The following TRPM7 variants were observed in gnomAD, a reference collection of about 807,000 sequenced individuals.
The protein encoded by TRPM7 is transient receptor potential cation channel subfamily M member 7.
TRPM7 carries 134 observed loss-of-function variants against 229.7 expected under a neutral mutation model. The observed-to-expected ratio is 0.58, with a 90% confidence interval of 0.51 to 0.67. TRPM7 has a LOEUF of 0.67. Ranked by LOEUF, TRPM7 falls within the 30% of genes least tolerant of loss-of-function variation. The pLI, the probability that TRPM7 is intolerant of heterozygous loss-of-function variation, is 0.00. For missense variants in TRPM7, 1,901 were observed against 2,210.0 expected (o/e 0.86, Z 2.80); for synonymous variants, 699 against 715.2 (o/e 0.98, Z 0.36).
In TRPM7 at chr15:50,580,923, A is replaced by C; in HGVS notation, c.4558-15T>G. The C allele has an allele frequency of 3.8e-6, 6 of 1,574,620 alleles. No individual in the cohort carries two copies. Among genetic ancestry groups the C allele is most frequent in the Non-Finnish European group, 5.1e-6 (6 of 1,168,580 alleles). On this transcript the variant is annotated splice_polypyrimidine_tract_variant and intron_variant, in intron 29 of 38. Coordinates refer to ENST00000646667, the MANE Select transcript of TRPM7 (RefSeq NM_017672.6). ...TGTAACCAATCCTTCAGTAAAAAAA[A>C]AACACACACACACAAAAACCTTAAA... is the stretch of plus-strand genomic sequence containing the variant.
chr15:50,608,127 G>T (rs989221360), intron 19 of TRPM7, among the ~76,000 whole-genome samples: 1 of 151,852 alleles, frequency 6.6e-6, no homozygotes, highest in Non-Finnish European at 1.5e-5. Flanking sequence ...CAGACAACTG[G>T]TATTTTCTTA....
chr15:50,615,902 A>AAT (rs2060209965), intron 13 of TRPM7, among the ~76,000 whole-genome samples: 1 of 152,036 alleles, frequency 6.6e-6, no homozygotes, highest in African/African-American at 2.4e-5. Flanking sequence ...GTCTCAAAAA[A>AAT]ATATATATAT....
chr15:50,605,223 T>C, intron 20 of TRPM7, 79 bp from the exon 21 acceptor site: 2 of 1,160,544 alleles, frequency 1.7e-6, no homozygotes, highest in Non-Finnish European at 1.2e-6. Flanking sequence ...ACTATAACAT[T>C]ACAGTAGAAT....
At chr15:50,619,223 CT>C (rs71124388) in intron 13 of TRPM7, among the ~76,000 whole-genome samples, 11,149 of 137,040 alleles carry the variant, frequency 0.081, 343 homozygotes, top group South Asian at 0.13. Context: ...GCTTTTTTTT[CT>C]TTTTTTTTTT....
In TRPM7 at chr15:50,567,320, C is replaced by T. The variant is rs116093779; in HGVS notation, c.5467+2567G>A. On this transcript the variant is annotated intron_variant, in intron 38 of 38. Transcript: ENST00000646667. ...TTAGGTATATCTCCCAATGCTACCCCTGTCCCCTCCCCACTAAATGCTTAG... is the reference window on the plus strand; with the variant it reads ...TTAGGTATATCTCCCAATGCTACCCTTGTCCCCTCCCCACTAAATGCTTAG... Among the ~76,000 whole-genome samples the T allele has an allele frequency of 3.9e-3, 593 of 152,286 alleles. 5 individuals are homozygous for T. Among genetic ancestry groups the T allele is most frequent in the African/African-American group, 0.013 (537 of 41,546 alleles).
chr15:50,584,866 TTC>T (rs2054610927), intron 28 of TRPM7, among the ~76,000 whole-genome samples: 1 of 151,890 alleles, frequency 6.6e-6, no homozygotes, highest in African/African-American at 2.4e-5. Flanking sequence ...TACCATTTCT[TTC>T]TCTTTTTCTT....
chr15:50,611,512 G>T (rs910308423), intron 16 of TRPM7, among the ~76,000 whole-genome samples, 191 bp from the exon 17 acceptor site: 3 of 152,256 alleles, frequency 2.0e-5, no homozygotes, highest in Middle Eastern at 6.8e-3. Context: ...ATTAAAATAT[G>T]TCGCATTATG....
At chr15:50,579,464 T>C (rs1238585739) in intron 30 of TRPM7, among the ~76,000 whole-genome samples, 2 of 152,204 alleles carry the variant, frequency 1.3e-5, no homozygotes, top group Admixed American at 6.5e-5. Flanking sequence ...CCTAACATCA[T>C]TCCTTTGCCT....
In TRPM7 at chr15:50,586,384, AT is replaced by A; in HGVS notation, c.4486+7del. ...TTCTGACACTATTCATATGGTCAAA[AT>A]ACTCACCTTGTTTTGAATGAACAGG... On this transcript the variant is annotated splice_region_variant and intron_variant, in intron 28 of 38. Transcript: ENST00000646667. 6.4e-7 allele frequency: 1 copy of A among 1,572,802 alleles called. No homozygotes were observed.
At chr15:50,646,644 A>G (rs773747227) in intron 4 of TRPM7, among the ~76,000 whole-genome samples, 2 of 152,210 alleles carry the variant, frequency 1.3e-5, no homozygotes, top group Non-Finnish European at 2.9e-5. Flanking sequence ...GAAAATTAAA[A>G]TTCATGCTGA....
In TRPM7 at chr15:50,574,943, T is replaced by G; in HGVS notation, c.4928A>C (p.His1643Pro). The G allele has an allele frequency of 6.2e-7, 1 of 1,614,136 alleles. No homozygotes were observed. Among genetic ancestry groups the G allele is most frequent in the African/African-American group, 1.3e-5 (1 of 75,062 alleles). Residue 1643 changes from histidine to proline, a missense_variant, in exon 34 of 39, where the codon CAT (histidine) becomes CCT (proline). Physicochemically the swap from His to Pro is moderately conservative, Grantham distance 77 (BLOSUM62 -2). Coordinates refer to ENST00000646667, the MANE Select transcript of TRPM7 (RefSeq NM_017672.6). ...WSEHDILKSGHLYIIKSFLPE... is the reference protein window; with the variant it reads ...WSEHDILKSGPLYIIKSFLPE... ...AAGAAAAGATTTGATAATATAAAGA[T>G]GCCCTGATTTGAGGATATCATGTTC...
intron 33 of TRPM7, among the ~76,000 whole-genome samples, chr15:50,575,341 AT>A (rs111746418): frequency 7.2e-5 from 11 of 152,162 alleles, no homozygotes; most frequent in African/African-American, 2.7e-4. Flanking sequence ...AATGTTAGGC[AT>A]TTTTGAAATT....
intron 34 of TRPM7, 27 bp from the exon 35 acceptor site, chr15:50,574,746 C>T: frequency 6.3e-7 from 1 of 1,598,446 alleles, no homozygotes; most frequent in Non-Finnish European, 8.5e-7. Flanking sequence ...GGGGAGAACC[C>T]TTGTTTAATA....
At chr15:50,577,649 T>C (rs1265444711) in intron 31 of TRPM7, among the ~76,000 whole-genome samples, 1 of 152,180 alleles carries the variant, frequency 6.6e-6, no homozygotes, top group Non-Finnish European at 1.5e-5. Context: ...TGAAAACCTA[T>C]TTGGTAGTAA....
intron 25 of TRPM7, 65 bp from the exon 26 acceptor site, chr15:50,592,691 C>A: frequency 1.7e-6 from 2 of 1,143,066 alleles, no homozygotes; most frequent in South Asian, 3.3e-5. Context: ...TATTTTGTAG[C>A]CTCAAATAAT....
At chr15:50,583,192 C>A in intron 28 of TRPM7, 33 bp from the exon 29 acceptor site, 1 of 1,528,676 alleles carries the variant, frequency 6.5e-7, no homozygotes, top group Non-Finnish European at 9.0e-7. Context: ...AAAAAAGCTA[C>A]ACAACTGAAG....
At chr15:50,659,204 AAAAG>A (rs1263133295) in intron 2 of TRPM7, among the ~76,000 whole-genome samples, 1 of 152,096 alleles carries the variant, frequency 6.6e-6, no homozygotes, top group Non-Finnish European at 1.5e-5. Context: ...AAAAAAAAAA[AAAAG>A]AAAGAACAAA....
At chr15:50,661,636 C>T (rs1567106090) in intron 2 of TRPM7, among the ~76,000 whole-genome samples, 3 of 152,066 alleles carry the variant, frequency 2.0e-5, no homozygotes, top group Admixed American at 6.6e-5. Context: ...AGAATAGTGA[C>T]ATATTCTATA....
chr15:50,584,891 T>TGGAGTCTCGCTCCC (rs974705806), intron 28 of TRPM7, among the ~76,000 whole-genome samples: 2 of 152,080 alleles, frequency 1.3e-5, no homozygotes, highest in African/African-American at 4.8e-5. Context: ...TTGTTTGAGA[T>TGGAGTCTCGCTCCC]GGAGTCTCGC....
Sources: allele counts gnomAD v4.1 joint callset (sites outside exome capture counted in the v4.1 genomes callset), GRCh38; gene constraint gnomAD v4.1.1; transcripts MANE v1.5; gene names NCBI Gene and HGNC (gene_info 2026-07-23, HGNC 2026-07-21).